Variants in PKN2 observed in about 807,000 individuals in gnomAD.
PKN2 encodes protein kinase N2, also known as serine/threonine-protein kinase N2.
In PKN2, 38 loss-of-function variants were observed where a neutral mutation model predicts 119.1. The ratio of observed to expected loss-of-function variants is 0.32; its 90% CI spans 0.25 to 0.42. The LOEUF is 0.42. Among genes scored for constraint, PKN2 ranks in the 10% least tolerant of loss-of-function variants. The pLI, the probability that PKN2 is intolerant of heterozygous loss-of-function variation, is 1.00. For missense variants in PKN2, 850 were observed against 1,165.1 expected (o/e 0.73, Z 3.94); for synonymous variants, 390 against 384.9 (o/e 1.01, Z -0.15).
intron 3 of PKN2, 77 bp from the exon 4 acceptor site, chr1:88,770,275 T>C: frequency 1.3e-6 from 1 of 777,428 alleles, no homozygotes; most frequent in Non-Finnish European, 2.2e-6. Flanking sequence ...ATATATCACT[T>C]GATCTGTTTA....
chr1:88,790,761 TCATGTC>T (rs1486818191), intron 8 of PKN2, among the ~76,000 whole-genome samples: 1 of 152,182 alleles, frequency 6.6e-6, no homozygotes, highest in African/African-American at 2.4e-5. Flanking sequence ...GATAATTTTC[TCATGTC>T]CATTTTTAGT....
chr1:88,773,225 CTTTTTT>C (rs529309827), intron 6 of PKN2, among the ~76,000 whole-genome samples: 1 of 144,798 alleles, frequency 6.9e-6, no homozygotes, highest in Non-Finnish European at 1.5e-5. Context: ...TTCTGTCAGT[CTTTTTT>C]TTTTTTAATT....
At chr1:88,729,334 A>G (rs1668035362) in intron 1 of PKN2, among the ~76,000 whole-genome samples, 1 of 152,158 alleles carries the variant, frequency 6.6e-6, no homozygotes, top group South Asian at 2.1e-4. Flanking sequence ...TAGCCTCTTT[A>G]TTATGTGTCT....
intron 8 of PKN2, among the ~76,000 whole-genome samples, chr1:88,801,906 C>T (rs971422823): frequency 2.0e-5 from 3 of 152,232 alleles, no homozygotes; most frequent in African/African-American, 7.2e-5. Flanking sequence ...CAGTCTTAAA[C>T]TGATTACTGA....
intron 16 of PKN2, chr1:88,815,378 C>G: frequency 7.1e-6 from 2 of 282,788 alleles, no homozygotes; most frequent in South Asian, 3.1e-5. Context: ...TTCTGAGTTC[C>G]CTAGCTAAAA....
At chr1:88,810,818 G>A (rs1671751644) in intron 15 of PKN2, among the ~76,000 whole-genome samples, 1 of 151,982 alleles carries the variant, frequency 6.6e-6, no homozygotes, top group Middle Eastern at 3.4e-3. Context: ...TGTTGACCAG[G>A]CTGGTCTCAA....
intron 2 of PKN2, among the ~76,000 whole-genome samples, chr1:88,758,926 C>T (rs372252867): frequency 2.6e-5 from 4 of 152,134 alleles, no homozygotes; most frequent in East Asian, 1.9e-4. Context: ...CTGGGTCGAA[C>T]GGTATTTCTG....
intron 15 of PKN2, among the ~76,000 whole-genome samples, chr1:88,812,707 G>C (rs1018626095): frequency 3.9e-5 from 6 of 152,070 alleles, no homozygotes; most frequent in South Asian, 2.1e-4. Flanking sequence ...CTGCACTCCA[G>C]CTCCTGAAAG....
chr1:88,820,630 A>C (rs1267848776), intron 16 of PKN2, among the ~76,000 whole-genome samples: 1 of 152,218 alleles, frequency 6.6e-6, no homozygotes, highest in African/African-American at 2.4e-5. Context: ...CTACATGTGA[A>C]TGTAAATATA....
intron 1 of PKN2, among the ~76,000 whole-genome samples, chr1:88,691,452 C>T (rs894190721): frequency 2.0e-5 from 3 of 152,070 alleles, no homozygotes; most frequent in African/African-American, 7.2e-5. Flanking sequence ...GGTGTTTGTT[C>T]TCCATTTCAG....
chr1:88,695,756 T>G (rs1236033675), intron 1 of PKN2, among the ~76,000 whole-genome samples: 4 of 152,186 alleles, frequency 2.6e-5, no homozygotes, highest in African/African-American at 9.7e-5. Context: ...GGCTTTTGCT[T>G]CCTCTGGAAT....
intron 1 of PKN2, among the ~76,000 whole-genome samples, chr1:88,718,900 G>A (rs541932133): frequency 6.6e-6 from 1 of 152,170 alleles, no homozygotes; most frequent in African/African-American, 2.4e-5. Flanking sequence ...GTATTGACCA[G>A]CCATCAAATA....
intron 1 of PKN2, among the ~76,000 whole-genome samples, chr1:88,729,260 G>T (rs1296884875): frequency 1.3e-5 from 2 of 152,176 alleles, no homozygotes; most frequent in Non-Finnish European, 2.9e-5. Context: ...GAAAGTAATC[G>T]ATAATAATTG....
At chr1:88,776,230 C>T (rs1287968944) in intron 6 of PKN2, among the ~76,000 whole-genome samples, 1 of 128,658 alleles carries the variant, frequency 7.8e-6, no homozygotes, top group Non-Finnish European at 1.6e-5. Flanking sequence ...CCCCCTTGCC[C>T]TCCCTGACAC....
chr1:88,685,412 C>T (rs1341758828), intron 1 of PKN2, among the ~76,000 whole-genome samples: 1 of 152,138 alleles, frequency 6.6e-6, no homozygotes, highest in East Asian at 1.9e-4. Flanking sequence ...AATGAGAAAG[C>T]AGTCGACTAA....
intron 1 of PKN2, among the ~76,000 whole-genome samples, chr1:88,706,218 A>G (rs1326330398): frequency 6.6e-6 from 1 of 152,108 alleles, no homozygotes; most frequent in Non-Finnish European, 1.5e-5. Flanking sequence ...CTTTTGTTAG[A>G]TATGTCTGTA....
intron 18 of PKN2, among the ~76,000 whole-genome samples, chr1:88,825,961 A>G (rs1672483823): frequency 6.6e-6 from 1 of 152,012 alleles, no homozygotes; most frequent in Non-Finnish European, 1.5e-5. Flanking sequence ...TCCCAACTCT[A>G]TTTGCTGACT....
At chr1:88,777,224 T>C (rs1415802009) in intron 6 of PKN2, among the ~76,000 whole-genome samples, 1 of 152,160 alleles carries the variant, frequency 6.6e-6, no homozygotes, top group Non-Finnish European at 1.5e-5. Context: ...TGTTATACTT[T>C]TCAATTCCAG....
chr1:88,688,145 G>T (rs544510728), intron 1 of PKN2, among the ~76,000 whole-genome samples: 17 of 151,934 alleles, frequency 1.1e-4, no homozygotes, highest in African/African-American at 3.9e-4. Context: ...GAGTGCAGTG[G>T]TGTGATCTCT....
Sources: allele counts gnomAD v4.1 joint callset (sites outside exome capture counted in the v4.1 genomes callset), GRCh38; gene constraint gnomAD v4.1.1; transcripts MANE v1.5; gene names NCBI Gene and HGNC (gene_info 2026-07-23, HGNC 2026-07-21).